The following NEUROD4 variants were observed in gnomAD, a reference collection of about 807,000 sequenced individuals.
NEUROD4 encodes neuronal differentiation 4.
NEUROD4 carries 16 observed loss-of-function variants against 19.8 expected under a neutral mutation model. That is an observed-to-expected ratio of 0.81 (90% CI 0.55 to 1.23). The LOEUF is 1.23. NEUROD4 is among the 50% of genes most tolerant of loss of function. NEUROD4 has a pLI of 0.00. For synonymous variants in NEUROD4, 153 were observed against 147.9 expected, an observed-to-expected ratio of 1.03 and a Z score of -0.25; for missense variants, 439 against 398.6, an observed-to-expected ratio of 1.10 and a Z score of -0.86.
intron 1 of NEUROD4, among the ~76,000 whole-genome samples, chr12:55,024,222 C>T (rs1057346518): frequency 3.9e-5 from 6 of 152,106 alleles, no homozygotes; most frequent in African/African-American, 1.4e-4. Context: ...CTGTACATCT[C>T]CTGAAGCCAA....
rs552404160 is a variant in NEUROD4 at position 55,026,502 on chromosome 12, G to A, written c.63G>A (p.Met21Ile). The A allele has an allele frequency of 1.9e-6, 3 of 1,613,996 alleles. No individual in the cohort carries two copies. The highest frequency in any genetic ancestry group is 2.7e-5 in the African/African-American group (2 of 75,032). Residue 21 changes from methionine to isoleucine, a missense_variant, in exon 2 of 2, where the codon ATG (methionine) becomes ATA (isoleucine). Coordinates refer to ENST00000242994, the MANE Select transcript of NEUROD4 (RefSeq NM_021191.3). ...MGELVNTPSW[M>I]DKGLGSQNEV... ...AGCTAGTCAACACACCATCCTGGAT[G>A]GATAAAGGTCTGGGCTCCCAAAATG...
chr12:55,027,575 T>G lies in NEUROD4; in HGVS notation c.*140T>G, dbSNP rs1565597772. ...AGTTCAAGTCCATTTAGGCTTTCCT[T>G]CACCTATCACCTCTTTTCTCATCAC... On this transcript the variant is annotated 3_prime_UTR_variant, in exon 2 of 2. Coordinates refer to ENST00000242994, the MANE Select transcript of NEUROD4 (RefSeq NM_021191.3). 6.7e-6 allele frequency: 5 copies of G among 750,634 alleles called. No homozygotes were observed. In the East Asian group the frequency reaches 1.0e-4, roughly 15 times the overall value. The allele number at this position is 750,634 out of a possible 1,614,324, so 46.5% of individuals were successfully genotyped here.
rs1222709219 is a variant in NEUROD4, at chr12:55,026,975, A to C, written c.536A>C (p.Gln179Pro). 1 of 1,614,036 alleles carries C rather than the reference A, an allele frequency of 6.2e-7. No individual in the cohort carries two copies. Among genetic ancestry groups the C allele is most frequent in the Non-Finnish European group, 8.5e-7 (1 of 1,180,032 alleles). The change falls in exon 2 of 2, where the codon CAG (glutamine) becomes CCG (proline). Residue 179 changes from glutamine (Q) to proline (P), a missense_variant. Coordinates refer to ENST00000242994, the MANE Select transcript of NEUROD4 (RefSeq NM_021191.3). ...GCTGGATGTCTCCAACTGGGCCCTC[A>C]GTCTGTCCTCCTGGAGAAGCACGAG... ...LVAGCLQLGP[Q>P]SVLLEKHEDK... is the part of the protein sequence containing the mutation.
intron 1 of NEUROD4, among the ~76,000 whole-genome samples, chr12:55,024,739 A>T (rs1348283713): frequency 6.6e-6 from 1 of 152,186 alleles, no homozygotes; most frequent in African/African-American, 2.4e-5. Context: ...TTGACCAATA[A>T]GTTCCAATGT....
rs918385801 is a variant in NEUROD4 at position 55,027,596 on chromosome 12, A to T, written c.*161A>T. 4 of 660,524 alleles carry T rather than the reference A, an allele frequency of 6.1e-6. No individual in the cohort carries two copies. Among genetic ancestry groups the T allele is most frequent in the African/African-American group, 5.5e-5 (3 of 54,806 alleles). 40.9% of individuals were successfully genotyped at this position (660,524 alleles called of 1,614,324 possible). On this transcript the variant is annotated 3_prime_UTR_variant, in exon 2 of 2. Transcript: ENST00000242994. ...TCCTTCACCTATCACCTCTTTTCTC[A>T]TCACCTTCTCACATTGCATTGATTT...
Position 55,027,978 on chromosome 12 carries a change from A to C in NEUROD4, c.*543A>C, listed in dbSNP as rs957693856. On this transcript the variant is annotated 3_prime_UTR_variant, in exon 2 of 2. Transcript: ENST00000242994. The stretch of plus-strand genomic sequence containing the variant: ...AATTATCAGAGGGATCACAAGGTAC[A>C]TGTCTCTTGGCTCACAGAATGCAAA... The C allele has an allele frequency of 1.8e-5, 3 of 167,304 alleles. No individual in the cohort carries two copies. The highest frequency in any genetic ancestry group is 1.3e-4 in the Admixed American group (2 of 15,298). The allele number at this position is 167,304 out of a possible 1,614,324, so 10.4% of individuals were successfully genotyped here. A position where few individuals can be genotyped will look rare whatever the true frequency, so the allele number is the denominator to read the frequency against.
At position 55,027,366 on chromosome 12, in the gene NEUROD4, A is replaced by G. The variant is rs1443708917; in HGVS notation, c.927A>G (p.Ile309Met). Residue 309 changes from isoleucine (I) to methionine (M), a missense_variant, in exon 2 of 2, where the codon ATA becomes ATG. Ile to Met is a conservative substitution (Grantham distance 10). Coordinates refer to ENST00000242994, the MANE Select transcript of NEUROD4 (RefSeq NM_021191.3). ...QAGTPRYDVP[I>M]DMSYDSYPHH... is the part of the protein sequence containing the mutation. ...GTACCCCCCGTTATGATGTTCCTAT[A>G]GACATGTCCTATGATTCCTACCCCC... The G allele has an allele frequency of 3.7e-6, 6 of 1,613,934 alleles. No homozygotes were observed. The highest frequency in any genetic ancestry group is 5.1e-6 in the Non-Finnish European group (6 of 1,179,850).
Position 55,026,494 on chromosome 12 carries a change from T to G in NEUROD4, c.55T>G (p.Ser19Ala). The G allele has an allele frequency of 6.2e-7, 1 of 1,613,930 alleles. No individual in the cohort carries two copies. The highest frequency in any genetic ancestry group is 8.5e-7 in the Non-Finnish European group (1 of 1,179,900). ...KEMGELVNTP[S>A]WMDKGLGSQN... ...GATGGGAGAGCTAGTCAACACACCA[T>G]CCTGGATGGATAAAGGTCTGGGCTC... Residue 19 changes from serine to alanine, a missense_variant, in exon 2 of 2, where the codon TCC becomes GCC. Coordinates refer to ENST00000242994, the MANE Select transcript of NEUROD4 (RefSeq NM_021191.3).
In NEUROD4 at chr12:55,026,488, A is replaced by G. The variant is rs146025088; in HGVS notation, c.49A>G (p.Thr17Ala). ...KSKEMGELVN[T>A]PSWMDKGLGS... The stretch of plus-strand genomic sequence containing the variant: ...CAAGGAGATGGGAGAGCTAGTCAAC[A>G]CACCATCCTGGATGGATAAAGGTCT... The change falls in exon 2 of 2, where the codon ACA (threonine) becomes GCA (alanine). Residue 17 changes from threonine (T) to alanine (A), a missense_variant. Physicochemically the swap from Thr to Ala is moderately conservative, Grantham distance 58 (BLOSUM62 0). Transcript: ENST00000242994. 225 of 1,613,720 alleles carry G rather than the reference A, an allele frequency of 1.4e-4. No individual in the cohort carries two copies. The African/African-American group carries it at 2.8e-3, about 20-fold the overall frequency.
rs1018572448 is a variant in NEUROD4 at position 55,020,300 on chromosome 12, G to C, written c.-23G>C. On this transcript the variant is annotated 5_prime_UTR_variant, in exon 1 of 2. Coordinates refer to ENST00000242994, the MANE Select transcript of NEUROD4 (RefSeq NM_021191.3). ...GATTCACAGAGTTCACTCCAGGAACGGCCAGTGACCGAGGTGAGCCAGTGG... is the reference window on the plus strand; with the variant it reads ...GATTCACAGAGTTCACTCCAGGAACCGCCAGTGACCGAGGTGAGCCAGTGG... 1 of 152,324 alleles carries C rather than the reference G, an allele frequency of 6.6e-6. No homozygotes were observed. Among genetic ancestry groups the C allele is most frequent in the Non-Finnish European group, 1.5e-5 (1 of 68,162 alleles). 9.4% of individuals were successfully genotyped at this position (152,324 alleles called of 1,614,324 possible). A position where few individuals can be genotyped will look rare whatever the true frequency, so the allele number is the denominator to read the frequency against.
At position 55,020,316 on chromosome 12, in the gene NEUROD4, G is replaced by A. The variant is rs1952666677; in HGVS notation, c.-10+3G>A. On this transcript the variant is annotated splice_donor_region_variant and intron_variant, in intron 1 of 1. Transcript: ENST00000242994. Reference sequence around the variant, plus strand: ...TCCAGGAACGGCCAGTGACCGAGGTGAGCCAGTGGTTGGGGTGGTAAGGGG... The same window carrying A: ...TCCAGGAACGGCCAGTGACCGAGGTAAGCCAGTGGTTGGGGTGGTAAGGGG... The A allele has an allele frequency of 6.6e-6, 1 of 152,360 alleles. No individual in the cohort carries two copies. Among genetic ancestry groups the A allele is most frequent in the Non-Finnish European group, 1.5e-5 (1 of 68,194 alleles). 9.4% of individuals were successfully genotyped at this position (152,360 alleles called of 1,614,324 possible).
chr12:55,025,401 T>G (rs1952717262), intron 1 of NEUROD4, among the ~76,000 whole-genome samples: 1 of 152,174 alleles, frequency 6.6e-6, no homozygotes, highest in South Asian at 2.1e-4. Context: ...ATTTTTCATT[T>G]TAAATAAAGT....
rs1293828809 is a variant in NEUROD4 at position 55,026,863 on chromosome 12, G to GT, written c.425dup (p.Leu143ProfsTer8). On this transcript the variant is annotated frameshift_variant, in exon 2 of 2. Transcript: ENST00000242994. LOFTEE classifies it high-confidence loss of function. ...GAACTATATTTGGGCTTTATCTGAAGTCCTGGAGACTGGCCAGACACCTGA... is the reference window on the plus strand; with the variant it reads ...GAACTATATTTGGGCTTTATCTGAAGTTCCTGGAGACTGGCCAGACACCTGA... The GT allele has an allele frequency of 1.2e-6, 2 of 1,613,984 alleles. No individual in the cohort carries two copies. Among genetic ancestry groups the GT allele is most frequent in the Non-Finnish European group, 1.7e-6 (2 of 1,180,012 alleles).
chr12:55,025,017 A>G (rs1273790204), intron 1 of NEUROD4, among the ~76,000 whole-genome samples: 1 of 152,216 alleles, frequency 6.6e-6, no homozygotes, highest in Non-Finnish European at 1.5e-5. Context: ...GAAAACATTT[A>G]TTACATTCTC....
intron 1 of NEUROD4, among the ~76,000 whole-genome samples, chr12:55,025,935 T>C (rs1393421097): frequency 6.6e-6 from 1 of 152,242 alleles, no homozygotes; most frequent in Admixed American, 6.5e-5. Flanking sequence ...GTTTTTTATT[T>C]TGTATGGTGT....
At position 55,026,469 on chromosome 12, in the gene NEUROD4, G is replaced by T; in HGVS notation, c.30G>T (p.Glu10Asp). 1 of 1,611,714 alleles carries T rather than the reference G, an allele frequency of 6.2e-7. No homozygotes were observed. Among genetic ancestry groups the T allele is most frequent in the Non-Finnish European group, 8.5e-7 (1 of 1,179,174 alleles). The part of the protein sequence containing the change: MSKTFVKSK[E>D]MGELVNTPSW... ...CAAAAACTTTTGTAAAATCCAAGGA[G>T]ATGGGAGAGCTAGTCAACACACCAT... Residue 10 changes from glutamate (E) to aspartate (D), a missense_variant, in exon 2 of 2, where the codon GAG becomes GAT. Coordinates refer to ENST00000242994, the MANE Select transcript of NEUROD4 (RefSeq NM_021191.3).
At chr12:55,024,672 A>G (rs1952706724) in intron 1 of NEUROD4, among the ~76,000 whole-genome samples, 1 of 152,196 alleles carries the variant, frequency 6.6e-6, no homozygotes, top group Non-Finnish European at 1.5e-5. Context: ...AGCTCAGCAC[A>G]CAAGCTCTAT....
chr12:55,021,516 A>T (rs942889245), intron 1 of NEUROD4, among the ~76,000 whole-genome samples: 5 of 152,216 alleles, frequency 3.3e-5, no homozygotes, highest in African/African-American at 1.2e-4. Flanking sequence ...TAGTTGAAAT[A>T]TCTCCACAAT....
At position 55,027,959 on chromosome 12, in the gene NEUROD4, C is replaced by T. The variant is rs1469097232; in HGVS notation, c.*524C>T. The T allele has an allele frequency of 6.0e-6, 1 of 167,350 alleles. No individual in the cohort carries two copies. Among genetic ancestry groups the T allele is most frequent in the Admixed American group, 6.5e-5 (1 of 15,280 alleles). 10.4% of individuals were successfully genotyped at this position (167,350 alleles called of 1,614,324 possible). On this transcript the variant is annotated 3_prime_UTR_variant, in exon 2 of 2. Coordinates refer to ENST00000242994, the MANE Select transcript of NEUROD4 (RefSeq NM_021191.3). ...GCATAGAATGATCAAATTGAATTAT[C>T]AGAGGGATCACAAGGTACATGTCTC...
Sources: allele counts gnomAD v4.1 joint callset (sites outside exome capture counted in the v4.1 genomes callset), GRCh38; gene constraint gnomAD v4.1.1; transcripts MANE v1.5; gene names NCBI Gene and HGNC (gene_info 2026-07-23, HGNC 2026-07-21).